The following IMMP2L variants were observed in gnomAD, a reference collection of about 807,000 sequenced individuals.
IMMP2L encodes the protein inner mitochondrial membrane peptidase subunit 2, also known as mitochondrial inner membrane protease subunit 2.
A neutral mutation model predicts 19.3 loss-of-function variants in IMMP2L; 18 were observed. That is an observed-to-expected ratio of 0.93 (90% CI 0.64 to 1.38). IMMP2L has a LOEUF of 1.38. IMMP2L is among the 40% of genes most tolerant of loss of function. The probability of loss-of-function intolerance (pLI) is 0.00; values close to 1 mark genes in which losing one functional copy is unlikely to be tolerated. For missense variants in IMMP2L, 233 were observed against 218.2 expected, an observed-to-expected ratio of 1.07 and a Z score of -0.43; for synonymous variants, 76 against 73.0, an observed-to-expected ratio of 1.04 and a Z score of -0.21.
At chr7:110,695,453 A>G (rs1793815015) in intron 5 of IMMP2L, among the ~76,000 whole-genome samples, 1 of 152,156 alleles carries the variant, frequency 6.6e-6, no homozygotes, top group African/African-American at 2.4e-5. Flanking sequence ...CAGCCTCCCA[A>G]AGTGCTGGGA....
At chr7:110,824,668 T>G (rs927699665) in intron 5 of IMMP2L, among the ~76,000 whole-genome samples, 1 of 152,114 alleles carries the variant, frequency 6.6e-6, no homozygotes, top group African/African-American at 2.4e-5. Context: ...GCTCCCAGCC[T>G]GTATTGCACT....
chr7:110,719,500 A>G (rs1319268758), intron 5 of IMMP2L, among the ~76,000 whole-genome samples: 1 of 152,172 alleles, frequency 6.6e-6, no homozygotes, highest in African/African-American at 2.4e-5. Context: ...GTGCTCTGGA[A>G]AAAAACCCCA....
chr7:110,953,330 C>G (rs766199657), intron 4 of IMMP2L, among the ~76,000 whole-genome samples: 27 of 151,734 alleles, frequency 1.8e-4, no homozygotes, highest in Admixed American at 5.3e-4. Context: ...CCCCACCCCC[C>G]GACAGGCCCC....
intron 3 of IMMP2L, among the ~76,000 whole-genome samples, chr7:111,152,440 A>T (rs534539703): frequency 1.3e-5 from 2 of 152,280 alleles, no homozygotes; most frequent in South Asian, 4.1e-4. Context: ...TACTGCACAC[A>T]TCACATTTTA....
chr7:111,436,583 T>G (rs757953373), intron 3 of IMMP2L, among the ~76,000 whole-genome samples: 6 of 151,800 alleles, frequency 4.0e-5, no homozygotes, highest in Non-Finnish European at 8.8e-5. Context: ...TTTCTCATTA[T>G]GTAAAAAATC....
At chr7:111,406,322 C>T (rs1833898430) in intron 3 of IMMP2L, among the ~76,000 whole-genome samples, 1 of 152,032 alleles carries the variant, frequency 6.6e-6, no homozygotes, top group South Asian at 2.1e-4. Flanking sequence ...CAGAATCTGG[C>T]CACTTCTCAG....
At chr7:110,970,425 TG>T (rs1820029340) in intron 3 of IMMP2L, among the ~76,000 whole-genome samples, 2 of 152,104 alleles carry the variant, frequency 1.3e-5, no homozygotes, top group African/African-American at 4.8e-5. Flanking sequence ...GTAAAATGTG[TG>T]TGTGTGTGCA....
intron 5 of IMMP2L, among the ~76,000 whole-genome samples, chr7:110,804,087 C>T (rs1397367678): frequency 6.6e-6 from 1 of 151,992 alleles, no homozygotes; most frequent in Non-Finnish European, 1.5e-5. Flanking sequence ...AATTGTGCTG[C>T]TTTGAAACCA....
intron 3 of IMMP2L, among the ~76,000 whole-genome samples, chr7:111,295,130 G>A (rs1238954373): frequency 5.3e-5 from 8 of 151,700 alleles, no homozygotes; most frequent in Non-Finnish European, 8.8e-5. Flanking sequence ...GACTTTCAAG[G>A]TGTGACCTGT....
intron 3 of IMMP2L, among the ~76,000 whole-genome samples, chr7:111,129,512 ATCT>A (rs1562830651): frequency 1.3e-5 from 2 of 152,010 alleles, no homozygotes; most frequent in African/African-American, 4.8e-5. Flanking sequence ...GACTACAATG[ATCT>A]TCTCTTTCAG....
chr7:111,549,443 C>T, intron 1 of IMMP2L, among the ~76,000 whole-genome samples: 1 of 152,106 alleles, frequency 6.6e-6, no homozygotes, highest in Non-Finnish European at 1.5e-5. Context: ...CTTACATATC[C>T]TTTTCACTAT....
Position 111,072,816 on chromosome 7 carries a change from A to G in IMMP2L, c.240-109251T>C, listed in dbSNP as rs1455728312. ...AGGCTGAGGCAGGAGAATAGTGTGA[A>G]CCCAGGAGGCGGAGCAGCGGAGCTT... On this transcript the variant is annotated intron_variant, in intron 3 of 5. Coordinates refer to ENST00000405709, the MANE Select transcript of IMMP2L (RefSeq NM_032549.4). Among the ~76,000 whole-genome samples, 5 of 151,216 alleles carry G rather than the reference A, an allele frequency of 3.3e-5. No homozygotes were observed. The East Asian group carries it at 9.8e-4, about 30-fold the overall frequency.
intron 3 of IMMP2L, among the ~76,000 whole-genome samples, chr7:111,464,231 T>C (rs1456440700): frequency 6.6e-6 from 1 of 152,188 alleles, no homozygotes; most frequent in African/African-American, 2.4e-5. Flanking sequence ...CCCAATACTT[T>C]GGGAAGCCGA....
chr7:111,317,747 G>A (rs1266888573), intron 3 of IMMP2L, among the ~76,000 whole-genome samples: 1 of 151,540 alleles, frequency 6.6e-6, no homozygotes, highest in Non-Finnish European at 1.5e-5. Context: ...TTGTTGAACT[G>A]CTTAAGAAAA....
chr7:111,505,657 C>T (rs1419111848), intron 2 of IMMP2L, among the ~76,000 whole-genome samples: 1 of 152,090 alleles, frequency 6.6e-6, no homozygotes, highest in Admixed American at 6.6e-5. Flanking sequence ...ATGATGAGTT[C>T]ATGTCCTTTG....
intron 3 of IMMP2L, among the ~76,000 whole-genome samples, chr7:111,313,567 C>T (rs1823735556): frequency 6.6e-6 from 1 of 152,258 alleles, no homozygotes; most frequent in Middle Eastern, 3.4e-3. Flanking sequence ...AAATGCCATT[C>T]TCAATCTAAT....
At chr7:110,995,203 C>G (rs547490655) in intron 3 of IMMP2L, among the ~76,000 whole-genome samples, 2 of 151,940 alleles carry the variant, frequency 1.3e-5, no homozygotes. Flanking sequence ...AAGTAAGAAC[C>G]TTACGGGCTC....
intron 1 of IMMP2L, among the ~76,000 whole-genome samples, chr7:111,540,334 C>A (rs531276397): frequency 1.3e-5 from 2 of 152,134 alleles, no homozygotes; most frequent in Admixed American, 6.6e-5. Context: ...CTTCTTCCAA[C>A]AGAAACCTCC....
intron 5 of IMMP2L, among the ~76,000 whole-genome samples, chr7:110,807,961 G>A (rs903996047): frequency 6.6e-6 from 1 of 151,980 alleles, no homozygotes; most frequent in Non-Finnish European, 1.5e-5. Context: ...GCTACACACA[G>A]CCTGAAGGTT....
Sources: allele counts gnomAD v4.1 joint callset (sites outside exome capture counted in the v4.1 genomes callset), GRCh38; gene constraint gnomAD v4.1.1; transcripts MANE v1.5; gene names NCBI Gene and HGNC (gene_info 2026-07-23, HGNC 2026-07-21).